The following NAV2 variants were observed in gnomAD, a reference collection of about 807,000 sequenced individuals.
NAV2 encodes neuron navigator 2, also known as helicase, APC down-regulated 1.
A neutral mutation model predicts 223.2 loss-of-function variants in NAV2; 54 were observed. The observed-to-expected ratio is 0.24, with a 90% confidence interval of 0.19 to 0.30. The LOEUF (loss-of-function observed/expected upper bound fraction) is 0.30. Ranked by LOEUF, NAV2 falls within the 10% of genes least tolerant of loss-of-function variation. The pLI is 1.00. For missense variants in NAV2, 2,806 were observed against 3,147.5 expected, an observed-to-expected ratio of 0.89 and a Z score of 2.60; for synonymous variants, 1,279 against 1,239.3, an observed-to-expected ratio of 1.03 and a Z score of -0.67.
In NAV2 at chr11:19,409,539, A is replaced by C. The variant is rs569712952; in HGVS notation, c.75+58512A>C. On this transcript the variant is annotated intron_variant, in intron 1 of 37. Transcript: ENST00000360655. ...AGGTTGAGAGGGAAAGAAGGAATGC[A>C]GCACTAGAGGCCTGTCCTTTCTAAG... is the stretch of plus-strand genomic sequence containing the variant. 5.3e-5 allele frequency among the ~76,000 whole-genome samples: 8 copies of C among 152,290 alleles called. No homozygotes were observed. The East Asian group carries it at 1.5e-3, about 29-fold the overall frequency.
At chr11:19,704,340 G>A (rs1819814713) in intron 1 of NAV2, among the ~76,000 whole-genome samples, 1 of 152,078 alleles carries the variant, frequency 6.6e-6, no homozygotes, top group African/African-American at 2.4e-5. Context: ...CCATATATAA[G>A]GCAGATCTTA....
intron 6 of NAV2, among the ~76,000 whole-genome samples, chr11:19,922,173 C>T (rs2044329814): frequency 6.6e-6 from 1 of 152,164 alleles, no homozygotes; most frequent in Non-Finnish European, 1.5e-5. Flanking sequence ...GTAATGGGTC[C>T]TGGGTCTCTC....
At chr11:19,871,765 C>T (rs2062519681) in intron 4 of NAV2, among the ~76,000 whole-genome samples, 1 of 152,090 alleles carries the variant, frequency 6.6e-6, no homozygotes, top group Non-Finnish European at 1.5e-5. Context: ...ATTCAGGTGG[C>T]CAAGAGGCAG....
intron 1 of NAV2, among the ~76,000 whole-genome samples, chr11:19,698,851 T>C (rs565389359): frequency 1.3e-5 from 2 of 152,236 alleles, no homozygotes; most frequent in East Asian, 3.9e-4. Context: ...TGTGTGTGTG[T>C]AGGCGGGTAA....
intron 1 of NAV2, among the ~76,000 whole-genome samples, chr11:19,809,318 C>T (rs1240275383): frequency 1.3e-5 from 2 of 152,190 alleles, no homozygotes; most frequent in African/African-American, 4.8e-5. Flanking sequence ...ATCAGGCTAG[C>T]ATTCTGCCCT....
upstream of NAV2, among the ~76,000 whole-genome samples, chr11:19,349,035 G>A (rs896240611): frequency 2.0e-5 from 3 of 152,064 alleles, no homozygotes; most frequent in Admixed American, 6.5e-5. Context: ...AGCAAAAAGC[G>A]AGTATCTACT....
intron 10 of NAV2, among the ~76,000 whole-genome samples, chr11:19,960,156 T>C (rs2048234205): frequency 6.6e-6 from 1 of 152,218 alleles, no homozygotes; most frequent in African/African-American, 2.4e-5. Flanking sequence ...GGTTATTTGT[T>C]CTCAAAGCTG....
rs571277774 is a variant in NAV2 at position 19,600,734 on chromosome 11, T to C, written c.76-231750T>C. On this transcript the variant is annotated intron_variant, in intron 1 of 37. Coordinates refer to the NAV2 transcript ENST00000360655. ...TATTGTTTTTGAAGATCAAATAAGT[T>C]AATACACATAAAAGCAATTATAATA... is the stretch of plus-strand genomic sequence containing the variant. Among the ~76,000 whole-genome samples, 8 of 152,292 alleles carry C rather than the reference T, an allele frequency of 5.3e-5. No homozygotes were observed. In the South Asian group the frequency reaches 1.7e-3, roughly 32 times the overall value.
At chr11:19,778,179 CCCAAAG>C (rs1230805023) in intron 1 of NAV2, among the ~76,000 whole-genome samples, 2 of 152,184 alleles carry the variant, frequency 1.3e-5, no homozygotes, top group Non-Finnish European at 2.9e-5. Flanking sequence ...GTTTCTCCAT[CCCAAAG>C]AGGAAATGTG....
At chr11:19,377,499 T>C (rs1032240357) in intron 1 of NAV2, among the ~76,000 whole-genome samples, 1 of 152,196 alleles carries the variant, frequency 6.6e-6, no homozygotes, top group African/African-American at 2.4e-5. Context: ...GTTTGGATAT[T>C]TGCATGCCTC....
At chr11:19,843,576 G>T (rs1398980770) in intron 3 of NAV2, among the ~76,000 whole-genome samples, 1 of 151,976 alleles carries the variant, frequency 6.6e-6, no homozygotes, top group African/African-American at 2.4e-5. Flanking sequence ...TATCGTCATT[G>T]TTGAGTTCAG....
chr11:19,464,761 G>T (rs1009171070), intron 1 of NAV2, among the ~76,000 whole-genome samples: 9 of 152,170 alleles, frequency 5.9e-5, no homozygotes, highest in Admixed American at 4.6e-4. Context: ...ACAAACTCGT[G>T]CAAAAAGGTT....
intron 6 of NAV2, among the ~76,000 whole-genome samples, chr11:19,928,130 T>A (rs950822200): frequency 1.5e-4 from 23 of 152,264 alleles, no homozygotes; most frequent in Admixed American, 1.0e-3. Flanking sequence ...TATCTTGATT[T>A]AATGTAACAG....
chr11:19,539,648 T>C (rs1271439408), intron 1 of NAV2, among the ~76,000 whole-genome samples: 1 of 152,126 alleles, frequency 6.6e-6, no homozygotes, highest in Admixed American at 6.5e-5. Context: ...AGCAAAAAGA[T>C]TGAAGGCCAC....
rs926867715 is a variant in NAV2 at position 19,714,155 on chromosome 11, C to T, written c.267+193C>T. The T allele has an allele frequency of 7.4e-6, 6 of 806,394 alleles. No homozygotes were observed. In the Admixed American group the frequency reaches 1.2e-4, roughly 17 times the overall value. 50.0% of individuals were successfully genotyped at this position (806,394 alleles called of 1,614,324 possible). On this transcript the variant is annotated intron_variant, in intron 1 of 37. Transcript: ENST00000349880. ...CGGCCGGTGGGTGTGGCCCGGGTGC[C>T]GGAGGTTTGCCTTAAGAGCTCTTCG...
At chr11:19,397,872 G>A (rs533497914) in intron 1 of NAV2, among the ~76,000 whole-genome samples, 46 of 152,168 alleles carry the variant, frequency 3.0e-4, no homozygotes, top group African/African-American at 1.1e-3. Context: ...GAGACTGGCT[G>A]GGCTGCAGTA....
At chr11:19,428,468 G>A (rs1340021507) in intron 1 of NAV2, among the ~76,000 whole-genome samples, 2 of 152,138 alleles carry the variant, frequency 1.3e-5, no homozygotes, top group Non-Finnish European at 2.9e-5. Flanking sequence ...GCATTTAATT[G>A]GTTTCGCATC....
chr11:19,965,720 G>A (rs948995119), intron 10 of NAV2, among the ~76,000 whole-genome samples: 1 of 152,190 alleles, frequency 6.6e-6, no homozygotes, highest in Non-Finnish European at 1.5e-5. Context: ...TTTAGTTACT[G>A]TTTCTGTACA....
At chr11:19,463,512 C>G (rs1395082369) in intron 1 of NAV2, among the ~76,000 whole-genome samples, 1 of 152,234 alleles carries the variant, frequency 6.6e-6, no homozygotes, top group African/African-American at 2.4e-5. Flanking sequence ...GCACAGACTC[C>G]TAACTTCTTT....
Sources: allele counts gnomAD v4.1 joint callset (sites outside exome capture counted in the v4.1 genomes callset), GRCh38; gene constraint gnomAD v4.1.1; transcripts MANE v1.5; gene names NCBI Gene and HGNC (gene_info 2026-07-23, HGNC 2026-07-21).